Variants in SGCZ observed in about 807,000 individuals in gnomAD.
SGCZ encodes the protein sarcoglycan zeta.
SGCZ carries 40 observed loss-of-function variants against 41.3 expected under a neutral mutation model. The ratio of observed to expected loss-of-function variants is 0.97; its 90% CI spans 0.75 to 1.26. The LOEUF (loss-of-function observed/expected upper bound fraction) is 1.26. Ranked by LOEUF, SGCZ falls within the 50% of genes most tolerant of loss-of-function variation. SGCZ has a pLI of 0.00. For synonymous variants in SGCZ, 206 were observed against 137.5 expected (o/e 1.50, Z -3.49); for missense variants, 552 against 369.8 (o/e 1.49, Z -4.04).
intron 1 of SGCZ, among the ~76,000 whole-genome samples, chr8:15,149,810 A>G (rs936062864): frequency 6.6e-6 from 1 of 152,128 alleles, no homozygotes; most frequent in Non-Finnish European, 1.5e-5. Flanking sequence ...TCTTCTAAAA[A>G]TACACACTAA....
intron 4 of SGCZ, among the ~76,000 whole-genome samples, chr8:14,234,438 A>G (rs955294445): frequency 1.3e-5 from 2 of 152,096 alleles, no homozygotes; most frequent in African/African-American, 2.4e-5. Context: ...AAATGGTACA[A>G]TGAGAATAAA....
At chr8:14,477,267 AAAC>A (rs1461637034) in intron 2 of SGCZ, among the ~76,000 whole-genome samples, 4 of 152,164 alleles carry the variant, frequency 2.6e-5, no homozygotes, top group African/African-American at 4.8e-5. Context: ...GCTGTTGGCA[AAAC>A]AACAACAAAA....
intron 2 of SGCZ, among the ~76,000 whole-genome samples, chr8:14,494,530 C>CA (rs1801934517): frequency 6.6e-6 from 1 of 152,076 alleles, no homozygotes. Flanking sequence ...CACACACAAA[C>CA]ACGCACACCA....
chr8:14,281,240 G>C (rs73664088), intron 3 of SGCZ, among the ~76,000 whole-genome samples: 3,854 of 151,928 alleles, frequency 0.025, 184 homozygotes, highest in African/African-American at 0.088. Flanking sequence ...TACCTCATTA[G>C]TCATTTTAAT....
chr8:14,685,883 C>T (rs1400370878), intron 1 of SGCZ, among the ~76,000 whole-genome samples: 1 of 152,114 alleles, frequency 6.6e-6, no homozygotes, highest in Non-Finnish European at 1.5e-5. Flanking sequence ...GAGCATTCAT[C>T]TAGTTTACCA....
chr8:15,056,339 A>T (rs138995285), intron 1 of SGCZ, among the ~76,000 whole-genome samples: 1 of 152,316 alleles, frequency 6.6e-6, no homozygotes, highest in Admixed American at 6.5e-5. Flanking sequence ...TCTATTGTGA[A>T]TGTTAATTAG....
chr8:14,371,044 C>G (rs1430103218), intron 2 of SGCZ, among the ~76,000 whole-genome samples: 1 of 151,678 alleles, frequency 6.6e-6, no homozygotes, highest in African/African-American at 2.4e-5. Context: ...TAATTTTTAC[C>G]CTATAAAAGC....
At chr8:14,332,763 A>G (rs979012574) in intron 2 of SGCZ, 1 of 151,632 alleles carries the variant, frequency 6.6e-6, no homozygotes, top group Non-Finnish European at 1.5e-5. Context: ...ATTTAATTAT[A>G]TTTAAATTAT....
intron 1 of SGCZ, among the ~76,000 whole-genome samples, chr8:14,650,256 C>G (rs891386650): frequency 6.6e-6 from 1 of 152,038 alleles, no homozygotes; most frequent in Non-Finnish European, 1.5e-5. Flanking sequence ...AAGTGAGAAG[C>G]ACCTGACTCC....
intron 1 of SGCZ, among the ~76,000 whole-genome samples, chr8:14,636,559 T>A (rs1345817377): frequency 1.3e-5 from 2 of 151,938 alleles, no homozygotes; most frequent in Admixed American, 1.3e-4. Flanking sequence ...ATGAATAGGC[T>A]GTCAATAGGT....
intron 1 of SGCZ, among the ~76,000 whole-genome samples, chr8:14,704,752 A>T (rs184834790): frequency 6.6e-6 from 1 of 152,086 alleles, no homozygotes; most frequent in East Asian, 1.9e-4. Flanking sequence ...ACACTTTTTA[A>T]GATGCTACTC....
intron 1 of SGCZ, among the ~76,000 whole-genome samples, chr8:14,790,290 A>G (rs1434793627): frequency 5.9e-5 from 9 of 152,220 alleles, no homozygotes. Context: ...AATCAAATAT[A>G]CGTAAATTAA....
At chr8:14,529,269 A>G (rs549518030) in intron 2 of SGCZ, among the ~76,000 whole-genome samples, 3 of 152,208 alleles carry the variant, frequency 2.0e-5, no homozygotes, top group East Asian at 1.9e-4. Context: ...AGTAAGACAC[A>G]CCTGGGGAAA....
At chr8:14,469,595 G>T (rs1183223650) in intron 2 of SGCZ, among the ~76,000 whole-genome samples, 2 of 151,906 alleles carry the variant, frequency 1.3e-5, no homozygotes, top group African/African-American at 4.8e-5. Context: ...GCTACTGATG[G>T]AATGATGGCC....
chr8:14,181,515 A>G (rs1171057146), intron 4 of SGCZ, among the ~76,000 whole-genome samples: 1 of 152,200 alleles, frequency 6.6e-6, no homozygotes, highest in East Asian at 1.9e-4. Flanking sequence ...ACCTGTTGAT[A>G]TGGTTTGGCT....
intron 2 of SGCZ, among the ~76,000 whole-genome samples, chr8:14,374,112 T>C (rs1804015466): frequency 6.6e-6 from 1 of 152,192 alleles, no homozygotes; most frequent in Admixed American, 6.5e-5. Context: ...GTGCAATGGC[T>C]CACACCTATA....
chr8:14,119,652 T>A (rs537567138), intron 5 of SGCZ, among the ~76,000 whole-genome samples: 1 of 152,192 alleles, frequency 6.6e-6, no homozygotes, highest in African/African-American at 2.4e-5. Flanking sequence ...TTGAAGGGAA[T>A]GCTGCTTTCA....
At chr8:14,492,663 C>T (rs1369730601) in intron 2 of SGCZ, among the ~76,000 whole-genome samples, 1 of 152,116 alleles carries the variant, frequency 6.6e-6, no homozygotes, top group African/African-American at 2.4e-5. Context: ...ATCTCAAGGC[C>T]ACTGCTACCA....
chr8:14,911,681 C>T (rs916905698), intron 1 of SGCZ, among the ~76,000 whole-genome samples: 1 of 151,934 alleles, frequency 6.6e-6, no homozygotes, highest in African/African-American at 2.4e-5. Flanking sequence ...GAGAATATAT[C>T]TTGAAATGTA....
Sources: gnomAD v4.1 joint callset for allele counts (sites outside exome capture counted in the v4.1 genomes callset) on GRCh38, gnomAD v4.1.1 for gene constraint, MANE v1.5 for transcripts, NCBI Gene and HGNC (gene_info 2026-07-23, HGNC 2026-07-21) for gene names.